The following DLG2 variants were observed in gnomAD, a reference collection of about 807,000 sequenced individuals.
The protein encoded by DLG2 is discs large MAGUK scaffold protein 2.
DLG2 carries 45 observed loss-of-function variants against 132.5 expected under a neutral mutation model. That is an observed-to-expected ratio of 0.34 (90% confidence interval 0.27 to 0.44). DLG2 has a LOEUF of 0.44. Among genes scored for constraint, DLG2 ranks in the 20% least tolerant of loss-of-function variants. The pLI is 1.00. For synonymous variants in DLG2, 424 were observed against 419.6 expected, an observed-to-expected ratio of 1.01 and a Z score of -0.13; for missense variants, 1,045 against 1,196.9, an observed-to-expected ratio of 0.87 and a Z score of 1.87.
At chr11:84,577,113 G>T (rs1393180136) in intron 6 of DLG2, among the ~76,000 whole-genome samples, 6 of 152,136 alleles carry the variant, frequency 3.9e-5, no homozygotes, top group Admixed American at 3.3e-4. Context: ...CTGCTGACAT[G>T]TAAGAAATGC....
At chr11:84,726,148 G>A (rs766663735) in intron 6 of DLG2, among the ~76,000 whole-genome samples, 1 of 152,022 alleles carries the variant, frequency 6.6e-6, no homozygotes, top group African/African-American at 2.4e-5. Flanking sequence ...TAAGTTCTGA[G>A]GTACATGTGC....
intron 6 of DLG2, among the ~76,000 whole-genome samples, chr11:84,605,775 G>A (rs1161609805): frequency 6.6e-6 from 1 of 151,830 alleles, no homozygotes; most frequent in Non-Finnish European, 1.5e-5. Context: ...TAGGCCTCTG[G>A]TCTGAAATTT....
chr11:83,988,984 A>T (rs1165152738), intron 11 of DLG2, among the ~76,000 whole-genome samples: 5 of 152,026 alleles, frequency 3.3e-5, no homozygotes, highest in Non-Finnish European at 7.4e-5. Context: ...TCTATTTTGT[A>T]CTATGCAAGT....
chr11:84,763,588 T>C (rs1283993396), intron 6 of DLG2, among the ~76,000 whole-genome samples: 1 of 152,076 alleles, frequency 6.6e-6, no homozygotes, highest in Non-Finnish European at 1.5e-5. Context: ...AGTTTCTCAT[T>C]TTTTCTATCT....
At chr11:85,300,586 G>T (rs1209682052) in intron 3 of DLG2, among the ~76,000 whole-genome samples, 2 of 152,166 alleles carry the variant, frequency 1.3e-5, no homozygotes, top group African/African-American at 4.8e-5. Context: ...AAGAAAATTA[G>T]AATTCTGCAG....
chr11:85,426,364 G>T (rs2090738004), intron 3 of DLG2, among the ~76,000 whole-genome samples: 1 of 152,152 alleles, frequency 6.6e-6, no homozygotes, highest in East Asian at 1.9e-4. Flanking sequence ...TAGCCTAACT[G>T]GGAGGCACCC....
chr11:85,518,762 G>A (rs769174750), intron 3 of DLG2, among the ~76,000 whole-genome samples: 35 of 152,176 alleles, frequency 2.3e-4, no homozygotes, highest in South Asian at 2.1e-4. Flanking sequence ...ACACAGGTCC[G>A]GAGGCCTAGG....
chr11:85,532,424 C>T (rs140958556), intron 3 of DLG2, among the ~76,000 whole-genome samples: 2 of 152,312 alleles, frequency 1.3e-5, no homozygotes, highest in East Asian at 3.9e-4. Context: ...CCACAGATCA[C>T]CTGCTGCTAT....
chr11:84,888,448 C>G (rs1297204563), intron 6 of DLG2, among the ~76,000 whole-genome samples: 1 of 152,102 alleles, frequency 6.6e-6, no homozygotes, highest in East Asian at 1.9e-4. Flanking sequence ...ACCATTCCTA[C>G]TTTTCAGTTC....
intron 4 of DLG2, among the ~76,000 whole-genome samples, chr11:85,190,261 T>A (rs962235476): frequency 2.0e-5 from 3 of 152,204 alleles, no homozygotes; most frequent in Non-Finnish European, 4.4e-5. Context: ...ATACACATTG[T>A]TTAAACATTC....
intron 3 of DLG2, among the ~76,000 whole-genome samples, chr11:85,514,820 T>A (rs892932046): frequency 6.6e-6 from 1 of 151,930 alleles, no homozygotes; most frequent in South Asian, 2.1e-4. Context: ...CCCTACATAC[T>A]GGGCAGAGGT....
At chr11:84,399,383 C>T (rs757312813) in intron 7 of DLG2, among the ~76,000 whole-genome samples, 21 of 152,120 alleles carry the variant, frequency 1.4e-4, no homozygotes, top group Non-Finnish European at 1.9e-4. Context: ...AAATGGTGGA[C>T]TCCTACAGGA....
chr11:83,499,426 G>C (rs1452528392), intron 21 of DLG2, among the ~76,000 whole-genome samples: 1 of 152,058 alleles, frequency 6.6e-6, no homozygotes, highest in Non-Finnish European at 1.5e-5. Flanking sequence ...TCTTGGGATA[G>C]ATTTCTAAAG....
rs1435883166 is a variant in DLG2, at chr11:83,486,212, A to G, written c.2194-1984T>C. On this transcript the variant is annotated intron_variant, in intron 21 of 27. Coordinates refer to ENST00000376104, the MANE Select transcript of DLG2 (RefSeq NM_001142699.3). ...AATATTCTTGCATCACTCCAGTTTC[A>G]TGCCACTTTTACATTTCAAGCATAT... 5.8e-6 allele frequency: 4 copies of G among 690,022 alleles called. No homozygotes were observed. In the East Asian group the frequency reaches 1.1e-4, roughly 19 times the overall value. The allele number at this position is 690,022 out of a possible 1,614,324, so 42.7% of individuals were successfully genotyped here.
At chr11:83,797,710 G>T (rs1240632182) in intron 17 of DLG2, among the ~76,000 whole-genome samples, 1 of 152,000 alleles carries the variant, frequency 6.6e-6, no homozygotes, top group Non-Finnish European at 1.5e-5. Flanking sequence ...AGTAGAGATG[G>T]GGTTTCACTG....
intron 5 of DLG2, among the ~76,000 whole-genome samples, chr11:85,118,906 T>C (rs2073979781): frequency 6.6e-6 from 1 of 151,722 alleles, no homozygotes; most frequent in African/African-American, 2.4e-5. Flanking sequence ...ATAATATATA[T>C]AACATATATG....
At chr11:83,633,718 C>T (rs945874871) in intron 18 of DLG2, among the ~76,000 whole-genome samples, 15 of 144,560 alleles carry the variant, frequency 1.0e-4, no homozygotes, top group African/African-American at 3.9e-4. Context: ...GGTAACTGCA[C>T]GTGTGATAAA....
chr11:84,293,170 G>A (rs2098031860), intron 7 of DLG2, among the ~76,000 whole-genome samples: 1 of 151,994 alleles, frequency 6.6e-6, no homozygotes, highest in Non-Finnish European at 1.5e-5. Flanking sequence ...GGCGGGTGGT[G>A]TGTGTTGGAA....
intron 19 of DLG2, among the ~76,000 whole-genome samples, chr11:83,610,568 G>C (rs561141164): frequency 5.4e-4 from 82 of 152,178 alleles, no homozygotes; most frequent in African/African-American, 1.8e-3. Context: ...CAGATCTGTG[G>C]TAACCATAAT....
Sources: gnomAD v4.1 joint callset for allele counts (sites outside exome capture counted in the v4.1 genomes callset) on GRCh38, gnomAD v4.1.1 for gene constraint, MANE v1.5 for transcripts, NCBI Gene and HGNC (gene_info 2026-07-23, HGNC 2026-07-21) for gene names.